The following PRUNE2 variants were observed in gnomAD, a reference collection of about 807,000 sequenced individuals.
PRUNE2 encodes protein prune homolog 2.
Under a neutral mutation model 252.0 loss-of-function variants are expected in PRUNE2, and 164 were observed. That is an observed-to-expected ratio of 0.65 (90% CI 0.57 to 0.74). The LOEUF (loss-of-function observed/expected upper bound fraction) is 0.74, where lower values mean the gene tolerates loss of function less well. Ranked by LOEUF, PRUNE2 falls within the 30% of genes least tolerant of loss-of-function variation. The pLI, the probability that PRUNE2 is intolerant of heterozygous loss-of-function variation, is 0.00. For missense variants in PRUNE2, 3,495 were observed against 3,711.0 expected (o/e 0.94, Z 1.51); for synonymous variants, 1,292 against 1,350.2 (o/e 0.96, Z 0.94).
intron 6 of PRUNE2, chr9:76,760,124 C>A (rs1307963853): frequency 6.6e-6 from 1 of 152,386 alleles, no homozygotes; most frequent in East Asian, 1.9e-4. Flanking sequence ...TAATCTGGCT[C>A]CTTGGTGTAG....
intron 6 of PRUNE2, among the ~76,000 whole-genome samples, chr9:76,730,888 C>G (rs1293024712): frequency 6.6e-6 from 1 of 152,150 alleles, no homozygotes; most frequent in Non-Finnish European, 1.5e-5. Context: ...GGCGACAGAG[C>G]TAGACTCCGT....
At chr9:76,805,084 T>C (rs1043147042) in intron 6 of PRUNE2, among the ~76,000 whole-genome samples, 1 of 152,126 alleles carries the variant, frequency 6.6e-6, no homozygotes. Context: ...GCCCCCAAAG[T>C]TCTCACTTCT....
intron 6 of PRUNE2, among the ~76,000 whole-genome samples, chr9:76,816,302 G>A (rs1279267127): frequency 6.6e-6 from 1 of 152,012 alleles, no homozygotes; most frequent in Non-Finnish European, 1.5e-5. Context: ...CAGCCACTTA[G>A]TACAATTTTC....
intron 9 of PRUNE2, among the ~76,000 whole-genome samples, chr9:76,681,314 T>C (rs947420985): frequency 3.9e-5 from 6 of 152,064 alleles, no homozygotes; most frequent in East Asian, 1.9e-4. Context: ...TTAATGGGTA[T>C]TGAGTTTTAG....
At chr9:76,873,254 C>T (rs1202373474) in intron 1 of PRUNE2, among the ~76,000 whole-genome samples, 1 of 152,188 alleles carries the variant, frequency 6.6e-6, no homozygotes, top group African/African-American at 2.4e-5. Flanking sequence ...AAAACTAGTA[C>T]ACTAAGTCAT....
intron 6 of PRUNE2, among the ~76,000 whole-genome samples, chr9:76,731,324 A>ATATATATT (rs1332074252): frequency 3.6e-4 from 38 of 106,798 alleles, no homozygotes; most frequent in African/African-American, 1.3e-3. Context: ...ATATATATAT[A>ATATATATT]TTTTTTTTTT....
rs999397003 is a variant in PRUNE2 at position 76,904,603 on chromosome 9, T to C, written c.36+1325A>G. Reference sequence around the variant, plus strand: ...ACTATCAGAAATGCCAAATACTTACTTGAGTTTCTGAAATTAGTATTTTCA... The same window carrying C: ...ACTATCAGAAATGCCAAATACTTACCTGAGTTTCTGAAATTAGTATTTTCA... On this transcript the variant is annotated intron_variant, in intron 1 of 18. Coordinates refer to ENST00000376718, the MANE Select transcript of PRUNE2 (RefSeq NM_015225.3). Among the ~76,000 whole-genome samples the C allele has an allele frequency of 3.9e-5, 6 of 152,360 alleles. No individual in the cohort carries two copies. In the South Asian group the frequency reaches 1.0e-3, roughly 26 times the overall value.
intron 9 of PRUNE2, among the ~76,000 whole-genome samples, chr9:76,686,466 A>AT (rs1026789790): frequency 6.6e-6 from 1 of 151,876 alleles, no homozygotes; most frequent in African/African-American, 2.4e-5. Flanking sequence ...TTTTGTTTTT[A>AT]TTTTTTTGTG....
intron 6 of PRUNE2, among the ~76,000 whole-genome samples, chr9:76,742,611 T>C (rs764662865): frequency 4.7e-5 from 7 of 149,786 alleles, no homozygotes; most frequent in Non-Finnish European, 8.9e-5. Flanking sequence ...AGGTGAAACC[T>C]ATCTCAAAAA....
Position 76,747,852 on chromosome 9 carries a change from T to C in PRUNE2, c.757-34131A>G, listed in dbSNP as rs147058036. 1.8e-4 allele frequency among the ~76,000 whole-genome samples: 27 copies of C among 151,622 alleles called. No homozygotes were observed. In the East Asian group the frequency reaches 3.1e-3, roughly 17 times the overall value. The stretch of plus-strand genomic sequence containing the variant: ...GCTCTGTCGCCCAGGCTGGAGTGCA[T>C]TGGAGCAATCTTGGCTCACTGCAAC... On this transcript the variant is annotated intron_variant, in intron 6 of 18. Transcript: ENST00000376718.
At chr9:76,702,579 G>A (rs2045970369) in intron 9 of PRUNE2, among the ~76,000 whole-genome samples, 1 of 136,804 alleles carries the variant, frequency 7.3e-6, no homozygotes, top group Admixed American at 7.7e-5. Context: ...CCAGAACCAC[G>A]GCACAGAGCA....
At chr9:76,800,423 G>C (rs1474926457) in intron 6 of PRUNE2, among the ~76,000 whole-genome samples, 1 of 152,156 alleles carries the variant, frequency 6.6e-6, no homozygotes, top group African/African-American at 2.4e-5. Flanking sequence ...TTAGAGACAT[G>C]ATTGAGAATT....
chr9:76,782,500 C>T (rs1397441895), intron 6 of PRUNE2, among the ~76,000 whole-genome samples: 1 of 152,214 alleles, frequency 6.6e-6, no homozygotes, highest in Non-Finnish European at 1.5e-5. Flanking sequence ...ACAACTACAG[C>T]ATCTTCTTTA....
At chr9:76,829,546 C>A (rs186019856) in intron 4 of PRUNE2, among the ~76,000 whole-genome samples, 407 of 152,214 alleles carry the variant, frequency 2.7e-3, no homozygotes, top group African/African-American at 9.4e-3. Flanking sequence ...CATTAATTCG[C>A]ATATTGTTTA....
intron 6 of PRUNE2, chr9:76,738,296 G>A (rs1041115202): frequency 6.6e-6 from 1 of 152,100 alleles, no homozygotes; most frequent in Non-Finnish European, 1.5e-5. Flanking sequence ...GCCCCATGGA[G>A]CCCATTTATC....
intron 9 of PRUNE2, among the ~76,000 whole-genome samples, chr9:76,677,743 C>T (rs913645269): frequency 1.3e-5 from 2 of 152,154 alleles, no homozygotes; most frequent in African/African-American, 4.8e-5. Context: ...TGAGTCACCT[C>T]TCAGGCCCCA....
chr9:76,715,139 A>G (rs1212326569), intron 6 of PRUNE2, among the ~76,000 whole-genome samples: 1 of 152,228 alleles, frequency 6.6e-6, no homozygotes, highest in African/African-American at 2.4e-5. Flanking sequence ...ATCTCCTAGG[A>G]CAGCCACTGT....
chr9:76,717,979 T>A (rs1465679724), intron 6 of PRUNE2, among the ~76,000 whole-genome samples: 1 of 152,138 alleles, frequency 6.6e-6, no homozygotes, highest in Non-Finnish European at 1.5e-5. Context: ...CTTTGTTATT[T>A]CCTGGTCAAA....
chr9:76,618,645 A>G (rs1291568831), intron 18 of PRUNE2, among the ~76,000 whole-genome samples: 1 of 152,178 alleles, frequency 6.6e-6, no homozygotes, highest in East Asian at 1.9e-4. Flanking sequence ...TTTAAAAACC[A>G]TTGGCCCTGG....
Sources: gnomAD v4.1 joint callset for allele counts (sites outside exome capture counted in the v4.1 genomes callset) on GRCh38, gnomAD v4.1.1 for gene constraint, MANE v1.5 for transcripts, NCBI Gene and HGNC (gene_info 2026-07-23, HGNC 2026-07-21) for gene names.